FOXN3: variants seen among roughly 807,000 people sequenced by gnomAD.
FOXN3 encodes forkhead box N3.
In FOXN3, 7 loss-of-function variants were observed where a neutral mutation model predicts 38.4. The ratio of observed to expected loss-of-function variants is 0.18; its 90% CI spans 0.10 to 0.34. The LOEUF (loss-of-function observed/expected upper bound fraction) is 0.34, where lower values mean the gene tolerates loss of function less well. FOXN3 is among the 10% of genes least tolerant of loss of function. The pLI is 1.00. For synonymous variants in FOXN3, 230 were observed against 242.2 expected (o/e 0.95, Z 0.47); for missense variants, 456 against 613.4 (o/e 0.74, Z 2.71).
chr14:89,458,215 C>T (rs1160334033), intron 1 of FOXN3, among the ~76,000 whole-genome samples: 1 of 152,010 alleles, frequency 6.6e-6, no homozygotes. Flanking sequence ...AAGGCTTTTT[C>T]CCCCATAAGA....
At chr14:89,475,184 C>G (rs1034719821) in intron 1 of FOXN3, among the ~76,000 whole-genome samples, 2 of 152,194 alleles carry the variant, frequency 1.3e-5, no homozygotes, top group African/African-American at 4.8e-5. Flanking sequence ...ATTATTTATA[C>G]ACACCCATAT....
At chr14:89,293,727 C>T (rs1886948485) in intron 3 of FOXN3, among the ~76,000 whole-genome samples, 1 of 152,110 alleles carries the variant, frequency 6.6e-6, no homozygotes, top group Non-Finnish European at 1.5e-5. Flanking sequence ...GGAGTTAGGA[C>T]ATCAACATAT....
intron 1 of FOXN3, among the ~76,000 whole-genome samples, chr14:89,609,251 G>T (rs1010133356): frequency 2.6e-5 from 4 of 152,140 alleles, no homozygotes; most frequent in Non-Finnish European, 4.4e-5. Flanking sequence ...ACCCAAGCTG[G>T]AGTGTAGTGG....
intron 4 of FOXN3, among the ~76,000 whole-genome samples, chr14:89,248,497 T>A (rs1405554409): frequency 6.6e-6 from 1 of 152,260 alleles, no homozygotes; most frequent in Admixed American, 6.5e-5. Flanking sequence ...TAAGCTGACA[T>A]GGGCCAGAGA....
intron 1 of FOXN3, among the ~76,000 whole-genome samples, chr14:89,458,703 A>C (rs1260357817): frequency 6.6e-6 from 1 of 152,124 alleles, no homozygotes; most frequent in East Asian, 1.9e-4. Context: ...TCAACACTGC[A>C]GGCTATTTTG....
At chr14:89,553,692 G>A (rs1049793007) in intron 1 of FOXN3, among the ~76,000 whole-genome samples, 3 of 152,066 alleles carry the variant, frequency 2.0e-5, no homozygotes, top group African/African-American at 7.2e-5. Context: ...CGGAAGTCAG[G>A]GAAAGGGAAT....
At chr14:89,503,222 T>C (rs1893839863) in intron 1 of FOXN3, among the ~76,000 whole-genome samples, 1 of 152,124 alleles carries the variant, frequency 6.6e-6, no homozygotes, top group Admixed American at 6.5e-5. Context: ...CACGTGCTAC[T>C]GCAAACTCTT....
rs1887125880 is a variant in FOXN3 at position 89,162,397 on chromosome 14, A to G, written c.*17T>C. The stretch of plus-strand genomic sequence containing the variant: ...AACCAAATGGTCGTAAGTTCAAAAC[A>G]AATCAGTGACTTGTTTTTAATTTTT... On this transcript the variant is annotated 3_prime_UTR_variant, in exon 6 of 6. Coordinates refer to ENST00000557258, the MANE Select transcript of FOXN3 (RefSeq NM_005197.4). This position sits in a 1 kb window ranked among gnomAD's most constrained non-coding sequence, Gnocchi z 7.2. 11 of 1,529,332 alleles carry G rather than the reference A, an allele frequency of 7.2e-6. No homozygotes were observed. The highest frequency in any genetic ancestry group is 9.7e-6 in the Non-Finnish European group (11 of 1,138,592). The allele number at this position is 1,529,332 out of a possible 1,614,324, so 94.7% of individuals were successfully genotyped here.
At chr14:89,465,903 T>C (rs955875324) in intron 1 of FOXN3, among the ~76,000 whole-genome samples, 2 of 152,252 alleles carry the variant, frequency 1.3e-5, no homozygotes, top group Non-Finnish European at 2.9e-5. Flanking sequence ...AGTTTTTAGG[T>C]TTACATAAAA....
At chr14:89,235,648 C>T (rs1259142861) in intron 4 of FOXN3, among the ~76,000 whole-genome samples, 2 of 152,266 alleles carry the variant, frequency 1.3e-5, no homozygotes, top group South Asian at 2.1e-4. Flanking sequence ...AAGATAGGGA[C>T]ATTATCCTGG....
chr14:89,335,287 T>C (rs1016333422), intron 3 of FOXN3, among the ~76,000 whole-genome samples: 3 of 152,210 alleles, frequency 2.0e-5, no homozygotes, highest in Non-Finnish European at 4.4e-5. Flanking sequence ...CCCCAAGTTT[T>C]CCAAGACTAA....
At chr14:89,545,371 G>A (rs1169863695) in intron 1 of FOXN3, among the ~76,000 whole-genome samples, 10 of 152,168 alleles carry the variant, frequency 6.6e-5, no homozygotes, top group South Asian at 2.1e-4. Flanking sequence ...ACAAGAAGAC[G>A]AGCAATCGTG....
chr14:89,170,982 G>A (rs1887374256), intron 5 of FOXN3, among the ~76,000 whole-genome samples: 1 of 151,468 alleles, frequency 6.6e-6, no homozygotes, highest in Non-Finnish European at 1.5e-5. Flanking sequence ...ATCCAAAAAA[G>A]AAAGGAAATT....
At chr14:89,466,347 A>G (rs1892975302) in intron 1 of FOXN3, among the ~76,000 whole-genome samples, 1 of 152,126 alleles carries the variant, frequency 6.6e-6, no homozygotes. Flanking sequence ...TTTGCCACAA[A>G]CTAAAATGAA....
intron 4 of FOXN3, among the ~76,000 whole-genome samples, chr14:89,254,243 T>A (rs1411515487): frequency 6.6e-6 from 1 of 152,190 alleles, no homozygotes; most frequent in Non-Finnish European, 1.5e-5. Context: ...AGTAGAAAGT[T>A]CCATGTTTTA....
chr14:89,317,850 G>A (rs1887768787), intron 3 of FOXN3, among the ~76,000 whole-genome samples: 2 of 151,084 alleles, frequency 1.3e-5, no homozygotes, highest in African/African-American at 4.9e-5. Context: ...CCCATCAGCT[G>A]CAGCATTAGA....
chr14:89,179,757 T>C (rs192023597), intron 5 of FOXN3, among the ~76,000 whole-genome samples: 1 of 152,252 alleles, frequency 6.6e-6, no homozygotes, highest in East Asian at 1.9e-4. Flanking sequence ...CCAGACCACA[T>C]TAAAAAAAGC....
At chr14:89,414,114 A>G (rs905773129) in intron 1 of FOXN3, among the ~76,000 whole-genome samples, 1 of 152,114 alleles carries the variant, frequency 6.6e-6, no homozygotes, top group Non-Finnish European at 1.5e-5. Flanking sequence ...CAGAAGTTCA[A>G]GACCAGCCTG....
intron 2 of FOXN3, among the ~76,000 whole-genome samples, chr14:89,382,931 A>G (rs1240575387): frequency 6.6e-6 from 1 of 150,442 alleles, no homozygotes; most frequent in African/African-American, 2.4e-5. Flanking sequence ...CAGTAGCAGG[A>G]GGCTCCCCAG....
Sources: gnomAD v4.1 joint callset for allele counts (sites outside exome capture counted in the v4.1 genomes callset) on GRCh38, gnomAD v4.1.1 for gene constraint, Gnocchi (gnomAD v3.1) non-coding constraint, MANE v1.5 for transcripts, NCBI Gene and HGNC (gene_info 2026-07-23, HGNC 2026-07-21) for gene names.